Variants in BBS9 observed in about 807,000 individuals in gnomAD.
The protein encoded by BBS9 is protein PTHB1.
Under a neutral mutation model 117.7 loss-of-function variants are expected in BBS9, and 89 were observed. That is an observed-to-expected ratio of 0.76 (90% CI 0.64 to 0.90). The LOEUF (loss-of-function observed/expected upper bound fraction) is 0.90. BBS9 is among the 40% of genes least tolerant of loss of function. The pLI is 0.00. For missense variants in BBS9, 982 were observed against 1,042.2 expected, an observed-to-expected ratio of 0.94 and a Z score of 0.80; for synonymous variants, 379 against 370.9, an observed-to-expected ratio of 1.02 and a Z score of -0.25.
intron 16 of BBS9, among the ~76,000 whole-genome samples, chr7:33,362,435 T>TAA (rs1302147939): frequency 1.3e-5 from 2 of 152,138 alleles, no homozygotes; most frequent in East Asian, 3.9e-4. Context: ...TTTGTGCTGA[T>TAA]ATTTATGTGT....
At chr7:33,160,019 A>G (rs1163383668) in intron 4 of BBS9, among the ~76,000 whole-genome samples, 1 of 152,160 alleles carries the variant, frequency 6.6e-6, no homozygotes, top group Non-Finnish European at 1.5e-5. Flanking sequence ...AATGTGATGC[A>G]TTTCTCCATG....
intron 5 of BBS9, among the ~76,000 whole-genome samples, chr7:33,248,804 G>A (rs1359512263): frequency 6.6e-6 from 1 of 152,094 alleles, no homozygotes; most frequent in African/African-American, 2.4e-5. Flanking sequence ...GGACTCTTCT[G>A]TTCTTATGCA....
chr7:33,271,839 TAATACTTGACCAA>T (rs1244987368), intron 7 of BBS9, among the ~76,000 whole-genome samples: 1 of 152,100 alleles, frequency 6.6e-6, no homozygotes. Flanking sequence ...GGTCTGAACT[TAATACTTGACCAA>T]ATGGACCTAA....
intron 5 of BBS9, among the ~76,000 whole-genome samples, chr7:33,202,136 T>C (rs1310205271): frequency 6.6e-6 from 1 of 152,108 alleles, no homozygotes; most frequent in Non-Finnish European, 1.5e-5. Context: ...ATAAGGAGAG[T>C]GGCAATGTTC....
intron 16 of BBS9, among the ~76,000 whole-genome samples, chr7:33,365,507 GGGAT>G (rs1821516383): frequency 6.6e-6 from 1 of 152,178 alleles, no homozygotes; most frequent in African/African-American, 2.4e-5. Flanking sequence ...GAGGGCTATT[GGGAT>G]CTTTAATGGC....
At chr7:33,525,003 T>C (rs1352546224) in intron 20 of BBS9, among the ~76,000 whole-genome samples, 1 of 152,188 alleles carries the variant, frequency 6.6e-6, no homozygotes, top group Non-Finnish European at 1.5e-5. Context: ...CATTTTGTTA[T>C]GTATCCAGTA....
chr7:33,384,082 A>G (rs1161364806), intron 18 of BBS9, among the ~76,000 whole-genome samples: 1 of 152,188 alleles, frequency 6.6e-6, no homozygotes, highest in Non-Finnish European at 1.5e-5. Flanking sequence ...GAGCTGATTT[A>G]ATTCTCCCAC....
intron 5 of BBS9, among the ~76,000 whole-genome samples, chr7:33,208,073 T>G (rs1787295686): frequency 6.6e-6 from 1 of 152,196 alleles, no homozygotes; most frequent in African/African-American, 2.4e-5. Context: ...CCTCCCAAAG[T>G]GCTGGGATTA....
At chr7:33,413,157 A>G (rs1045156193) in intron 19 of BBS9, among the ~76,000 whole-genome samples, 4 of 152,216 alleles carry the variant, frequency 2.6e-5, no homozygotes, top group South Asian at 2.1e-4. Context: ...TACAGTTTCA[A>G]TAGTAAAGGT....
chr7:33,351,280 A>T lies in BBS9; in HGVS notation c.1494A>T (p.Ser498=). 6.2e-7 allele frequency: 1 copy of T among 1,613,338 alleles called. No individual in the cohort carries two copies. Among genetic ancestry groups the T allele is most frequent in the South Asian group, 1.1e-5 (1 of 91,072 alleles). ...SVYLKRSYTP[S]ELEGNAVVSY... ...ATCTGAAAAGAAGTTATACACCATC[A>T]GAATTGGAAGGAAATGCTGTTGTTT... Residue 498 remains serine, a synonymous_variant, in exon 14 of 23, where the codon TCA becomes TCT. Transcript: ENST00000242067.
At chr7:33,327,601 A>C (rs1375976095) in intron 9 of BBS9, among the ~76,000 whole-genome samples, 2 of 152,184 alleles carry the variant, frequency 1.3e-5, no homozygotes, top group Non-Finnish European at 2.9e-5. Flanking sequence ...TCGGAAGCTG[A>C]GGCAGGTCAC....
At chr7:33,171,518 A>G (rs992451866) in intron 4 of BBS9, among the ~76,000 whole-genome samples, 5 of 152,160 alleles carry the variant, frequency 3.3e-5, no homozygotes, top group Non-Finnish European at 2.9e-5. Flanking sequence ...AGTAACCTTA[A>G]TTTCTGATTA....
Position 33,349,192 on chromosome 7 carries a change from A to C in BBS9, c.1432+22A>C, listed in dbSNP as rs775092883. 5.2e-6 allele frequency: 8 copies of C among 1,529,312 alleles called. No individual in the cohort carries two copies. In the African/African-American group the frequency reaches 1.1e-4, roughly 21 times the overall value. 94.7% of individuals were successfully genotyped at this position (1,529,312 alleles called of 1,614,324 possible). A position where few individuals can be genotyped will look rare whatever the true frequency, so the allele number is the denominator to read the frequency against. ...ATGAGTAAGTTTTTTGTTTTGGCTGAAAGTCTACCATGGTGTGAATTTTTT... is the reference window on the plus strand; with the variant it reads ...ATGAGTAAGTTTTTTGTTTTGGCTGCAAGTCTACCATGGTGTGAATTTTTT... On this transcript the variant is annotated intron_variant, in intron 13 of 22. Transcript: ENST00000242067.
At chr7:33,230,533 A>G (rs1439166302) in intron 5 of BBS9, among the ~76,000 whole-genome samples, 1 of 152,198 alleles carries the variant, frequency 6.6e-6, no homozygotes, top group African/African-American at 2.4e-5. Flanking sequence ...AATAGTGCAC[A>G]TTGCACCCAA....
chr7:33,285,606 A>G (rs1461771057), intron 9 of BBS9, among the ~76,000 whole-genome samples: 2 of 152,096 alleles, frequency 1.3e-5, no homozygotes, highest in Non-Finnish European at 2.9e-5. Flanking sequence ...TGACCCCTAG[A>G]TATTATATTG....
At chr7:33,414,827 T>C (rs980270927) in intron 19 of BBS9, among the ~76,000 whole-genome samples, 1 of 132,752 alleles carries the variant, frequency 7.5e-6, no homozygotes, top group Non-Finnish European at 1.6e-5. Context: ...GGCCAGGTTC[T>C]GTGTATATTT....
chr7:33,149,520 T>G (rs1446901185), intron 2 of BBS9, among the ~76,000 whole-genome samples: 1 of 152,180 alleles, frequency 6.6e-6, no homozygotes, highest in Admixed American at 6.5e-5. Context: ...CTTTCCTAAT[T>G]CTCTCAACTC....
intron 5 of BBS9, among the ~76,000 whole-genome samples, chr7:33,214,109 G>T (rs926870477): frequency 6.6e-6 from 1 of 152,184 alleles, no homozygotes; most frequent in Admixed American, 6.5e-5. Context: ...CCTAGGATCC[G>T]AGAGCACTTT....
At chr7:33,399,163 C>T (rs1828510185) in intron 19 of BBS9, among the ~76,000 whole-genome samples, 4 of 152,126 alleles carry the variant, frequency 2.6e-5, no homozygotes, top group Admixed American at 2.6e-4. Context: ...AGTGCCGTAC[C>T]AGGCATAGAG....
Sources: gnomAD v4.1 joint callset for allele counts (sites outside exome capture counted in the v4.1 genomes callset) on GRCh38, gnomAD v4.1.1 for gene constraint, MANE v1.5 for transcripts, NCBI Gene and HGNC (gene_info 2026-07-23, HGNC 2026-07-21) for gene names.